Variants in PTPRG observed in about 807,000 individuals in gnomAD.
The protein encoded by PTPRG is receptor-type tyrosine-protein phosphatase gamma.
PTPRG carries 102 observed loss-of-function variants against 165.3 expected under a neutral mutation model. That is an observed-to-expected ratio of 0.62 (90% CI 0.53 to 0.73). The LOEUF (loss-of-function observed/expected upper bound fraction) is 0.73, where lower values mean the gene tolerates loss of function less well. PTPRG is among the 30% of genes least tolerant of loss of function. PTPRG has a pLI of 0.00. For missense variants in PTPRG, 1,866 were observed against 1,861.4 expected (o/e 1.00, Z -0.05); for synonymous variants, 675 against 669.5 (o/e 1.01, Z -0.13).
Position 62,252,175 on chromosome 3 carries a change from C to T in PTPRG, c.2468-2949C>T, listed in dbSNP as rs1462645372. 6.6e-6 allele frequency among the ~76,000 whole-genome samples: 1 copy of T among 152,156 alleles called. No homozygotes were observed. The highest frequency in any genetic ancestry group is 1.5e-5 in the Non-Finnish European group (1 of 68,020). On this transcript the variant is annotated intron_variant, in intron 15 of 29. Coordinates refer to ENST00000474889, the MANE Select transcript of PTPRG (RefSeq NM_002841.4). This position sits in a 1 kb window ranked among gnomAD's most constrained non-coding sequence, Gnocchi z 4.6. ...GTCATCAAATCCATCCTTTTAATGG[C>T]ACTTGTAGTCTTTATCACATAATTA...
intron 15 of PTPRG, among the ~76,000 whole-genome samples, chr3:62,247,712 A>G (rs1331659562): frequency 1.3e-5 from 2 of 152,310 alleles, no homozygotes; most frequent in Middle Eastern, 3.4e-3. Flanking sequence ...ACAAATTTAG[A>G]CACTAACTCA....
At chr3:61,583,312 G>T (rs1700350108) in intron 1 of PTPRG, among the ~76,000 whole-genome samples, 1 of 152,120 alleles carries the variant, frequency 6.6e-6, no homozygotes, top group African/African-American at 2.4e-5. Context: ...ACAGGGAAGG[G>T]CTCAGTGGCT....
chr3:61,869,040 G>A (rs1207745012), intron 2 of PTPRG, among the ~76,000 whole-genome samples: 1 of 151,936 alleles, frequency 6.6e-6, no homozygotes, highest in African/African-American at 2.4e-5. Context: ...TTAGGAGGAC[G>A]GCATTTCACT....
In PTPRG at chr3:62,203,973, G is replaced by A. The variant is rs932503388; in HGVS notation, c.2155+23G>A. 9.8e-6 allele frequency: 15 copies of A among 1,529,150 alleles called. No individual in the cohort carries two copies. Among genetic ancestry groups the A allele is most frequent in the Admixed American group, 2.1e-5 (1 of 48,128 alleles). 94.7% of individuals were successfully genotyped at this position (1,529,150 alleles called of 1,614,324 possible). Reference sequence around the variant, plus strand: ...CAGGTAAGTGGTGCAGGTCTTCTTCGAGGGTTCCTGCTCCTGTGAATAGTC... The same window carrying A: ...CAGGTAAGTGGTGCAGGTCTTCTTCAAGGGTTCCTGCTCCTGTGAATAGTC... On this transcript the variant is annotated intron_variant, in intron 12 of 29. Transcript: ENST00000474889. This position sits in a 1 kb window ranked among gnomAD's most constrained non-coding sequence, Gnocchi z 6.4.
chr3:61,625,054 C>T (rs12495140), intron 1 of PTPRG, among the ~76,000 whole-genome samples: 64,842 of 151,198 alleles, frequency 0.43, 13,937 homozygotes, highest in Middle Eastern at 0.49. Flanking sequence ...CTTCCCTTTA[C>T]GCATATCTCT....
chr3:61,666,391 A>G (rs530958469), intron 1 of PTPRG, among the ~76,000 whole-genome samples: 1 of 152,350 alleles, frequency 6.6e-6, no homozygotes, highest in Admixed American at 6.5e-5. Context: ...CATTTGCCAA[A>G]TAATTTCCCC....
chr3:61,661,393 T>C (rs1702664747), intron 1 of PTPRG, among the ~76,000 whole-genome samples: 1 of 152,132 alleles, frequency 6.6e-6, no homozygotes, highest in African/African-American at 2.4e-5. Context: ...CTGTGGTGAA[T>C]ATCTTATTTC....
Position 62,001,846 on chromosome 3 carries a change from A to G in PTPRG, c.371-1503A>G, listed in dbSNP as rs74847706. Among the ~76,000 whole-genome samples, 1,043 of 152,238 alleles carry G rather than the reference A, an allele frequency of 6.9e-3. 15 individuals are homozygous for G. The highest frequency in any genetic ancestry group is 0.023 in the African/African-American group (959 of 41,548). On this transcript the variant is annotated intron_variant, in intron 3 of 29. Transcript: ENST00000474889. ...TATTATCTGTGGCTGCTTCTGTGCT[A>G]TAAAGACAAGATTGAGTAGTTACAG...
At chr3:61,623,795 C>T (rs1369396838) in intron 1 of PTPRG, among the ~76,000 whole-genome samples, 9 of 152,148 alleles carry the variant, frequency 5.9e-5, no homozygotes, top group African/African-American at 2.2e-4. Context: ...TACAGGGCTA[C>T]CTGTGAAAGG....
intron 1 of PTPRG, among the ~76,000 whole-genome samples, chr3:61,565,770 T>C (rs1699897027): frequency 6.6e-6 from 1 of 151,452 alleles, no homozygotes; most frequent in South Asian, 2.1e-4. Flanking sequence ...AATTGGAGGC[T>C]CCATGATTAA....
chr3:62,256,814 C>T (rs1049254305), intron 16 of PTPRG, among the ~76,000 whole-genome samples: 1 of 152,134 alleles, frequency 6.6e-6, no homozygotes, highest in Admixed American at 6.5e-5. Flanking sequence ...TTTAATTATT[C>T]AAAATAATCA....
rs561994174 is a variant in PTPRG at position 61,597,366 on chromosome 3, C to T, written c.85+34994C>T. 8.7e-4 allele frequency among the ~76,000 whole-genome samples: 132 copies of T among 152,280 alleles called. 1 individual carries two copies. Among genetic ancestry groups the T allele is most frequent in the South Asian group, 1.2e-3 (6 of 4,824 alleles). ...TGCAGATGCTCAAGTCCCTTATCGT[C>T]GGCCCTCTAGATCCTTGGATTTTGA... On this transcript the variant is annotated intron_variant, in intron 1 of 29. Coordinates refer to ENST00000474889, the MANE Select transcript of PTPRG (RefSeq NM_002841.4).
chr3:62,009,608 G>C (rs771841273), intron 4 of PTPRG, among the ~76,000 whole-genome samples: 1 of 152,162 alleles, frequency 6.6e-6, no homozygotes, highest in Non-Finnish European at 1.5e-5. Flanking sequence ...GTCACATTTT[G>C]GTTGGAGAGT....
rs115969202 is a variant in PTPRG at position 62,090,100 on chromosome 3, G to A, written c.615+11842G>A. Among the ~76,000 whole-genome samples, 15 of 152,158 alleles carry A rather than the reference G, an allele frequency of 9.9e-5. 1 individual carries two copies. The highest frequency in any genetic ancestry group is 3.6e-4 in the African/African-American group (15 of 41,422). On this transcript the variant is annotated intron_variant, in intron 5 of 29. Coordinates refer to ENST00000474889, the MANE Select transcript of PTPRG (RefSeq NM_002841.4). ...AGATACTTCTAAAATTACACTGTCA[G>A]TAATTTGTTTGCACCACATATAATA...
At chr3:62,044,141 T>C (rs1349234647) in intron 4 of PTPRG, among the ~76,000 whole-genome samples, 4 of 152,156 alleles carry the variant, frequency 2.6e-5, no homozygotes, top group Non-Finnish European at 4.4e-5. Flanking sequence ...GAGGCTGGAG[T>C]GCAGGAATCT....
intron 28 of PTPRG, among the ~76,000 whole-genome samples, chr3:62,287,458 T>C (rs1328359581): frequency 6.6e-6 from 1 of 152,092 alleles, no homozygotes; most frequent in Non-Finnish European, 1.5e-5. Flanking sequence ...ACATTTATTA[T>C]GAAATAGGAA....
At chr3:61,577,172 T>C (rs1439598538) in intron 1 of PTPRG, among the ~76,000 whole-genome samples, 1 of 152,230 alleles carries the variant, frequency 6.6e-6, no homozygotes, top group East Asian at 1.9e-4. Flanking sequence ...TGATCAGTGT[T>C]ATTTTTGATA....
At chr3:61,875,075 A>G (rs1242219871) in intron 2 of PTPRG, among the ~76,000 whole-genome samples, 2 of 152,224 alleles carry the variant, frequency 1.3e-5, no homozygotes, top group Non-Finnish European at 2.9e-5. Context: ...GCTCTTATCT[A>G]AAGAAGGGAG....
At chr3:62,054,225 G>A (rs900503257) in intron 4 of PTPRG, among the ~76,000 whole-genome samples, 12 of 152,292 alleles carry the variant, frequency 7.9e-5, no homozygotes, top group African/African-American at 2.9e-4. Context: ...CATTTCTATA[G>A]CTCCAATAGG....
Sources: allele counts gnomAD v4.1 joint callset (sites outside exome capture counted in the v4.1 genomes callset), GRCh38; gene constraint gnomAD v4.1.1; non-coding constraint Gnocchi (gnomAD v3.1); transcripts MANE v1.5; gene names NCBI Gene and HGNC (gene_info 2026-07-23, HGNC 2026-07-21).